HERC3: variants seen among roughly 807,000 people sequenced by gnomAD.
The protein encoded by HERC3 is probable E3 ubiquitin-protein ligase HERC3.
HERC3 carries 58 observed loss-of-function variants against 129.9 expected under a neutral mutation model. That is an observed-to-expected ratio of 0.45 (90% CI 0.36 to 0.56). HERC3 has a LOEUF of 0.56. Among genes scored for constraint, HERC3 ranks in the 20% least tolerant of loss-of-function variants. The pLI, the probability that HERC3 is intolerant of heterozygous loss-of-function variation, is 0.00. For missense variants in HERC3, 835 were observed against 1,244.2 expected (o/e 0.67, Z 4.95); for synonymous variants, 430 against 451.0 (o/e 0.95, Z 0.59).
At chr4:88,693,405 A>C in intron 23 of HERC3, 1 of 973,920 alleles carries the variant, frequency 1.0e-6, no homozygotes, top group Non-Finnish European at 1.2e-6. Context: ...TCACCATTTC[A>C]TCCAGTCCTT....
At chr4:88,587,858 C>G (rs1721571672), upstream of HERC3, among the ~76,000 whole-genome samples, 1 of 152,158 alleles carries the variant, frequency 6.6e-6, no homozygotes, top group South Asian at 2.1e-4. Context: ...GCTGCTTTTG[C>G]CCAAGCACTT....
At chr4:88,532,860 T>C in the HERC3 span, among the ~76,000 whole-genome samples, 6 of 152,318 alleles carry the variant, frequency 3.9e-5, no homozygotes, top group Non-Finnish European at 8.8e-5. Flanking sequence ...AGAGGCAAGA[T>C]AACTTACCTC....
intron 3 of HERC3, 53 bp downstream of exon 3, chr4:88,606,102 C>G: frequency 1.4e-6 from 2 of 1,442,618 alleles, no homozygotes; most frequent in Non-Finnish European, 1.9e-6. Flanking sequence ...AGTTGGAGGA[C>G]ACAATGGCAG....
intron 21 of HERC3, among the ~76,000 whole-genome samples, chr4:88,682,677 A>G (rs1196549620): frequency 6.6e-6 from 1 of 152,084 alleles, no homozygotes; most frequent in East Asian, 1.9e-4. Context: ...GCTGCATAGT[A>G]TTCCATGGTG....
chr4:88,637,253 G>A (rs1041531104), intron 3 of HERC3, among the ~76,000 whole-genome samples: 3 of 151,578 alleles, frequency 2.0e-5, no homozygotes, highest in Admixed American at 1.3e-4. Flanking sequence ...ACGAAACCCC[G>A]TCTCTACTAA....
rs1322947092 is a variant in HERC3, at chr4:88,652,933, C to G, written c.528C>G (p.Pro176=). Residue 176 remains proline, a synonymous_variant, in exon 6 of 26, where the codon CCC becomes CCG. Coordinates refer to ENST00000402738, the MANE Select transcript of HERC3 (RefSeq NM_014606.3). Reference sequence around the variant, plus strand: ...AGCTTGGCTTAGGGAAGGAGTTCCCCTCCCAAGCCAGCCCACAGAGGGTGA... The same window carrying G: ...AGCTTGGCTTAGGGAAGGAGTTCCCGTCCCAAGCCAGCCCACAGAGGGTGA... ...HGQLGLGKEF[P]SQASPQRVRS... The G allele has an allele frequency of 1.2e-6, 2 of 1,613,914 alleles. No homozygotes were observed. The highest frequency in any genetic ancestry group is 2.7e-5 in the African/African-American group (2 of 74,936).
chr4:88,553,844 T>A, the HERC3 span, among the ~76,000 whole-genome samples: 1 of 152,118 alleles, frequency 6.6e-6, no homozygotes, highest in Non-Finnish European at 1.5e-5. Context: ...ACCATATAAT[T>A]TCTATACTAA....
chr4:88,549,007 A>G, the HERC3 span, among the ~76,000 whole-genome samples: 11 of 151,956 alleles, frequency 7.2e-5, no homozygotes, highest in Non-Finnish European at 1.0e-4. Context: ...CAGTTTTTCT[A>G]TTATTTTCTT....
chr4:88,583,875 A>G, the HERC3 span: 3 of 152,244 alleles, frequency 2.0e-5, no homozygotes, highest in Admixed American at 1.3e-4. Flanking sequence ...TGGAGCTCTC[A>G]GAGGAAGGGA....
At chr4:88,671,671 G>A (rs902336792) in intron 16 of HERC3, among the ~76,000 whole-genome samples, 5 of 151,958 alleles carry the variant, frequency 3.3e-5, no homozygotes, top group African/African-American at 4.8e-5. Flanking sequence ...CTACAGGTGC[G>A]TGCCATCATG....
chr4:88,533,458 A>G, the HERC3 span, among the ~76,000 whole-genome samples: 10 of 152,286 alleles, frequency 6.6e-5, no homozygotes, highest in Middle Eastern at 3.4e-3. Context: ...TTATAAATAA[A>G]ATTGAAGGGA....
intron 23 of HERC3, chr4:88,693,812 CCTTT>C (rs1734321295): frequency 2.4e-6 from 1 of 413,766 alleles, no homozygotes; most frequent in Non-Finnish European, 3.3e-6. Context: ...TTGCATGCTT[CCTTT>C]CTTTCTGCCA....
intron 3 of HERC3, among the ~76,000 whole-genome samples, chr4:88,636,010 G>A (rs1224940756): frequency 6.6e-6 from 1 of 152,038 alleles, no homozygotes; most frequent in Non-Finnish European, 1.5e-5. Flanking sequence ...CACTAAATAT[G>A]GAAAGGAAAA....
the HERC3 span, among the ~76,000 whole-genome samples, chr4:88,559,244 A>G: frequency 6.6e-6 from 1 of 152,224 alleles, no homozygotes; most frequent in Non-Finnish European, 1.5e-5. Flanking sequence ...GGGTTAATGT[A>G]TCTATTATTT....
intron 19 of HERC3, among the ~76,000 whole-genome samples, chr4:88,678,452 G>C (rs981168199): frequency 6.6e-6 from 1 of 152,098 alleles, no homozygotes; most frequent in African/African-American, 2.4e-5. Flanking sequence ...CCACTATTAA[G>C]CTATCATTTA....
intron 3 of HERC3, among the ~76,000 whole-genome samples, chr4:88,626,550 A>G (rs1042219984): frequency 2.0e-5 from 3 of 152,182 alleles, no homozygotes; most frequent in Admixed American, 6.5e-5. Flanking sequence ...ATTTTGATAT[A>G]CATATACATT....
chr4:88,653,746 G>A (rs888835828), intron 6 of HERC3, among the ~76,000 whole-genome samples: 1 of 152,186 alleles, frequency 6.6e-6, no homozygotes, highest in Non-Finnish European at 1.5e-5. Flanking sequence ...TGTTGGATGT[G>A]TGGTTTGAAA....
At chr4:88,527,326 A>T in the HERC3 span, 1 of 149,516 alleles carries the variant, frequency 6.7e-6, no homozygotes, top group South Asian at 2.1e-4. Flanking sequence ...ATCATAGCTG[A>T]CTGCAGCCTT....
chr4:88,678,560 A>G (rs1424723735), intron 19 of HERC3, among the ~76,000 whole-genome samples: 19 of 152,184 alleles, frequency 1.2e-4, no homozygotes, highest in Non-Finnish European at 2.8e-4. Flanking sequence ...CTATTATGAG[A>G]GGCACACCTA....
Sources: allele counts gnomAD v4.1 joint callset (sites outside exome capture counted in the v4.1 genomes callset), GRCh38; gene constraint gnomAD v4.1.1; transcripts MANE v1.5; gene names NCBI Gene and HGNC (gene_info 2026-07-23, HGNC 2026-07-21).